Variants in TUNAR observed in about 807,000 individuals in gnomAD.
The protein encoded by TUNAR is protein TUNAR.
At chr14:95,915,325 A>G (rs1889584534) in intron 2 of TUNAR, among the ~76,000 whole-genome samples, 1 of 152,218 alleles carries the variant, frequency 6.6e-6, no homozygotes, top group Admixed American at 6.5e-5. Context: ...GAGCTTTAAA[A>G]AGGGCAAAAG....
chr14:95,915,411 T>C (rs1272541051), intron 2 of TUNAR, among the ~76,000 whole-genome samples: 4 of 152,162 alleles, frequency 2.6e-5, no homozygotes, highest in African/African-American at 7.2e-5. Context: ...GATGAGTCAG[T>C]GTTTACAGTT....
chr14:95,899,867 A>C (rs1224380704), intron 2 of TUNAR, among the ~76,000 whole-genome samples: 1 of 152,222 alleles, frequency 6.6e-6, no homozygotes, highest in Non-Finnish European at 1.5e-5. Flanking sequence ...ACATATTTAG[A>C]TCATAGCAGT....
At chr14:95,891,621 A>G (rs1432504724) in intron 2 of TUNAR, among the ~76,000 whole-genome samples, 1 of 152,236 alleles carries the variant, frequency 6.6e-6, no homozygotes, top group Non-Finnish European at 1.5e-5. Context: ...TCTCCCTATT[A>G]CTATACACTC....
chr14:95,913,511 T>A (rs1242499220), intron 2 of TUNAR, among the ~76,000 whole-genome samples: 5 of 152,172 alleles, frequency 3.3e-5, no homozygotes, highest in African/African-American at 1.2e-4. Context: ...TCACACGAAT[T>A]TTTCATTCCG....
intron 2 of TUNAR, among the ~76,000 whole-genome samples, chr14:95,907,265 G>C (rs1025829330): frequency 1.3e-5 from 2 of 152,198 alleles, no homozygotes; most frequent in Admixed American, 6.5e-5. Flanking sequence ...GGATGAACTT[G>C]CGTGTGTGTT....
chr14:95,901,077 A>T (rs545761993), intron 2 of TUNAR, among the ~76,000 whole-genome samples: 1 of 152,180 alleles, frequency 6.6e-6, no homozygotes, highest in South Asian at 2.1e-4. Flanking sequence ...CTTTTCTAGC[A>T]TCATGTTTGA....
At chr14:95,910,507 T>C (rs1395265064) in intron 2 of TUNAR, among the ~76,000 whole-genome samples, 1 of 152,244 alleles carries the variant, frequency 6.6e-6, no homozygotes, top group South Asian at 2.1e-4. Flanking sequence ...ATGACAGATA[T>C]CAAGTACAAA....
exon 3 of TUNAR, chr14:95,923,306 T>C (rs758816398): frequency 4.6e-5 from 9 of 195,220 alleles, no homozygotes; most frequent in African/African-American, 9.3e-5. Flanking sequence ...CTGACAGATA[T>C]CACATATTTG....
chr14:95,889,432 C>T (rs1445734795), intron 2 of TUNAR, among the ~76,000 whole-genome samples: 2 of 151,896 alleles, frequency 1.3e-5, no homozygotes, highest in Non-Finnish European at 2.9e-5. Context: ...TTGGCTTGCC[C>T]TTCCACCTCC....
chr14:95,878,404 G>C (rs1257773821), intron 2 of TUNAR, among the ~76,000 whole-genome samples: 1 of 152,218 alleles, frequency 6.6e-6, no homozygotes, highest in Non-Finnish European at 1.5e-5. Flanking sequence ...TGTTCCATTG[G>C]TGAAGTCACA....
At chr14:95,897,076 T>C (rs1003389616) in intron 2 of TUNAR, among the ~76,000 whole-genome samples, 2 of 152,254 alleles carry the variant, frequency 1.3e-5, no homozygotes, top group African/African-American at 4.8e-5. Context: ...AATCAAATTG[T>C]ATAGGCAAGT....
chr14:95,893,268 A>T (rs1330646568), intron 2 of TUNAR, among the ~76,000 whole-genome samples: 7 of 152,038 alleles, frequency 4.6e-5, no homozygotes, highest in Non-Finnish European at 8.8e-5. Flanking sequence ...GCAGCATGGG[A>T]GGCAGCCTGG....
At chr14:95,909,118 G>T (rs1019901260) in intron 2 of TUNAR, among the ~76,000 whole-genome samples, 7 of 152,116 alleles carry the variant, frequency 4.6e-5, no homozygotes, top group Non-Finnish European at 1.0e-4. Context: ...TTGAGCAAAG[G>T]AAATTTTGAT....
chr14:95,908,450 C>A (rs1449626889), intron 2 of TUNAR, among the ~76,000 whole-genome samples: 3 of 152,214 alleles, frequency 2.0e-5, no homozygotes, highest in African/African-American at 4.8e-5. Context: ...GTCCTCCCAT[C>A]TGTCCTCTTA....
intron 2 of TUNAR, among the ~76,000 whole-genome samples, chr14:95,900,468 C>T (rs1414114255): frequency 6.6e-6 from 1 of 151,404 alleles, no homozygotes; most frequent in East Asian, 1.9e-4. Flanking sequence ...AGCCAGGAGT[C>T]AGAGGCTCAC....
Position 95,895,499 on chromosome 14 carries a change from A to T in TUNAR, c.12+18322A>T, listed in dbSNP as rs1479370550. ...GGAGAGTTGTCAAATGAGGCAAGCC[A>T]AAACCCAGGCAGTGGGATGGTCATG... On this transcript the variant is annotated intron_variant, in intron 2 of 2. Transcript: ENST00000678517. The surrounding 1 kb of genome is among the most constrained non-coding windows in gnomAD (Gnocchi z 4.5). Among the ~76,000 whole-genome samples the T allele has an allele frequency of 6.6e-6, 1 of 152,194 alleles. No homozygotes were observed. The highest frequency in any genetic ancestry group is 1.5e-5 in the Non-Finnish European group (1 of 68,040).
chr14:95,883,751 T>C (rs1889021368), intron 2 of TUNAR, among the ~76,000 whole-genome samples: 1 of 152,090 alleles, frequency 6.6e-6, no homozygotes, highest in Non-Finnish European at 1.5e-5. Flanking sequence ...GACCCTTCAC[T>C]GGTTTCAAGT....
chr14:95,889,621 C>T (rs1566786085), intron 2 of TUNAR, among the ~76,000 whole-genome samples: 1 of 152,204 alleles, frequency 6.6e-6, no homozygotes, highest in Admixed American at 6.5e-5. Flanking sequence ...CTCTGGCTTT[C>T]CTGTCTCCTG....
intron 2 of TUNAR, among the ~76,000 whole-genome samples, chr14:95,912,307 G>A (rs1889526435): frequency 6.6e-6 from 1 of 151,972 alleles, no homozygotes; most frequent in African/African-American, 2.4e-5. Flanking sequence ...GAATTTATGT[G>A]ATCATTGATT....
Sources: allele counts gnomAD v4.1 joint callset (sites outside exome capture counted in the v4.1 genomes callset), GRCh38; gene constraint gnomAD v4.1.1; non-coding constraint Gnocchi (gnomAD v3.1); transcripts MANE v1.5; gene names NCBI Gene and HGNC (gene_info 2026-07-23, HGNC 2026-07-21).